The following WAC variants were observed in gnomAD, a reference collection of about 807,000 sequenced individuals.
The protein encoded by WAC is WW domain-containing adapter protein with coiled-coil.
WAC carries 11 observed loss-of-function variants against 79.6 expected under a neutral mutation model. That is an observed-to-expected ratio of 0.14 (90% confidence interval 0.09 to 0.23). WAC has a LOEUF of 0.23. Among genes scored for constraint, WAC ranks in the 10% least tolerant of loss-of-function variants. The pLI is 1.00. For synonymous variants in WAC, 304 were observed against 276.9 expected (o/e 1.10, Z -0.97); for missense variants, 728 against 773.5 (o/e 0.94, Z 0.70).
At chr10:28,549,294 G>A (rs1490175303) in intron 3 of WAC, among the ~76,000 whole-genome samples, 1 of 152,122 alleles carries the variant, frequency 6.6e-6, no homozygotes, top group African/African-American at 2.4e-5. Context: ...TTTCTGAGGT[G>A]TTCTGTCTTT....
chr10:28,608,147 A>G (rs933943745), intron 7 of WAC, 39 bp from the exon 8 acceptor site: 2 of 1,609,106 alleles, frequency 1.2e-6, no homozygotes, highest in African/African-American at 2.7e-5. Flanking sequence ...AATTTTCTCT[A>G]TTCAGGTAAT....
intron 3 of WAC, chr10:28,537,706 C>CTT (rs1485402185): frequency 6.6e-6 from 1 of 152,196 alleles, no homozygotes; most frequent in Non-Finnish European, 1.5e-5. Context: ...TGAAGCTATT[C>CTT]TTAAATGCTT....
chr10:28,614,417 A>G, intron 10 of WAC, 150 bp from the exon 11 acceptor site: 2 of 635,176 alleles, frequency 3.1e-6, no homozygotes, highest in South Asian at 3.8e-5. Flanking sequence ...AAGTAATTTT[A>G]TGACCTTGGG....
At chr10:28,566,029 A>G (rs1348418945) in intron 3 of WAC, among the ~76,000 whole-genome samples, 1 of 152,202 alleles carries the variant, frequency 6.6e-6, no homozygotes, top group East Asian at 1.9e-4. Context: ...GTTAAAAAAA[A>G]ATTAGAGTAA....
At chr10:28,535,887 A>AAT in intron 3 of WAC, 130 bp downstream of exon 3, 1 of 714,046 alleles carries the variant, frequency 1.4e-6, no homozygotes. Flanking sequence ...TAATCCTATC[A>AAT]TTTTTTTTTT....
intron 9 of WAC, chr10:28,611,433 G>A (rs1487905623): frequency 5.3e-6 from 7 of 1,313,142 alleles, no homozygotes; most frequent in African/African-American, 1.5e-5. Context: ...AGGAGACTGC[G>A]TGGGATACCT....
At chr10:28,604,349 GA>G (rs1427325841) in intron 7 of WAC, among the ~76,000 whole-genome samples, 1 of 151,640 alleles carries the variant, frequency 6.6e-6, no homozygotes, top group Non-Finnish European at 1.5e-5. Context: ...CTGTATTGAA[GA>G]ATGCTGTCAT....
rs775917715 is a variant in WAC, at chr10:28,614,559, C to T, written c.1438-8C>T. ...TGGAGACCATCTCACCAGATTTTGA[C>T]ATTTCAGGTTAGTACTCCAGTAGTT... is the stretch of plus-strand genomic sequence containing the variant. On this transcript the variant is annotated splice_polypyrimidine_tract_variant and splice_region_variant and intron_variant, in intron 10 of 13. Coordinates refer to ENST00000354911, the MANE Select transcript of WAC (RefSeq NM_016628.5). 1.1e-5 allele frequency: 17 copies of T among 1,609,902 alleles called. No individual in the cohort carries two copies. The Admixed American group carries it at 2.2e-4, about 21-fold the overall frequency.
intron 3 of WAC, among the ~76,000 whole-genome samples, chr10:28,572,861 T>G (rs1423875921): frequency 6.6e-6 from 1 of 152,152 alleles, no homozygotes; most frequent in African/African-American, 2.4e-5. Context: ...AATTCCTTAG[T>G]GAAAAGTCAG....
intron 3 of WAC, among the ~76,000 whole-genome samples, chr10:28,571,546 CTACTG>C (rs1285294746): frequency 6.6e-6 from 1 of 152,180 alleles, no homozygotes; most frequent in Admixed American, 6.5e-5. Context: ...AGGTTGTTGT[CTACTG>C]TACCAAGTTG....
At chr10:28,568,118 T>G (rs1413710105) in intron 3 of WAC, among the ~76,000 whole-genome samples, 1 of 152,232 alleles carries the variant, frequency 6.6e-6, no homozygotes, top group Non-Finnish European at 1.5e-5. Flanking sequence ...TTAGATTTGA[T>G]TACATATTCT....
Position 28,533,625 on chromosome 10 carries a change from A to C in WAC, c.41+5A>C. On this transcript the variant is annotated splice_donor_5th_base_variant and intron_variant, in intron 1 of 13. Coordinates refer to ENST00000354911, the MANE Select transcript of WAC (RefSeq NM_016628.5). ...ACAGCAGAGACTCAGTGATGGGTAA[A>C]TTGTCTTTTCGTTTCGGGCCGGGCG... 1 of 1,568,442 alleles carries C rather than the reference A, an allele frequency of 6.4e-7. No homozygotes were observed. Among genetic ancestry groups the C allele is most frequent in the Non-Finnish European group, 8.7e-7 (1 of 1,152,952 alleles).
intron 13 of WAC, 187 bp downstream of exon 13, chr10:28,617,971 T>A: frequency 1.8e-6 from 1 of 558,708 alleles, no homozygotes; most frequent in Non-Finnish European, 2.7e-6. Flanking sequence ...GATTTTCTCT[T>A]AACCCATGAT....
In WAC at chr10:28,590,272, AC is replaced by A. The variant is rs1840017374; in HGVS notation, c.497+422del. On this transcript the variant is annotated intron_variant, in intron 5 of 13. Transcript: ENST00000354911. ...AGCTGCAGTGAGCCATCATGGTGCC[AC>A]TACACTCTAGCCTGAGCAACAGAGC... Among the ~76,000 whole-genome samples, 4 of 145,482 alleles carry A rather than the reference AC, an allele frequency of 2.7e-5. No individual in the cohort carries two copies. The Admixed American group carries it at 2.9e-4, about 10-fold the overall frequency.
chr10:28,545,305 T>C (rs1837294593), intron 3 of WAC, among the ~76,000 whole-genome samples: 1 of 151,898 alleles, frequency 6.6e-6, no homozygotes, highest in Admixed American at 6.6e-5. Flanking sequence ...CTGACCAATG[T>C]GGAGAAACCC....
chr10:28,612,395 TAG>T (rs1841285437), intron 10 of WAC, among the ~76,000 whole-genome samples: 1 of 152,204 alleles, frequency 6.6e-6, no homozygotes, highest in Non-Finnish European at 1.5e-5. Flanking sequence ...GTTTTTGTGG[TAG>T]AGTCAGAATT....
chr10:28,610,050 G>C (rs1472842423), intron 8 of WAC, among the ~76,000 whole-genome samples: 1 of 149,606 alleles, frequency 6.7e-6, no homozygotes, highest in East Asian at 2.0e-4. Flanking sequence ...TCCTGCCTCA[G>C]CCTCCCTAGT....
intron 2 of WAC, 101 bp downstream of exon 2, chr10:28,534,135 G>T: frequency 8.6e-7 from 1 of 1,164,054 alleles, no homozygotes; most frequent in Non-Finnish European, 1.2e-6. Context: ...CAGGCCCTTC[G>T]GTGCAACACA....
At chr10:28,587,757 T>C (rs558730134) in intron 4 of WAC, among the ~76,000 whole-genome samples, 5 of 152,220 alleles carry the variant, frequency 3.3e-5, no homozygotes, top group Non-Finnish European at 5.9e-5. Flanking sequence ...GATTGTATGC[T>C]CTACCCTGGA....
Sources: allele counts gnomAD v4.1 joint callset (sites outside exome capture counted in the v4.1 genomes callset), GRCh38; gene constraint gnomAD v4.1.1; transcripts MANE v1.5; gene names NCBI Gene and HGNC (gene_info 2026-07-23, HGNC 2026-07-21).